Variants in OSBPL9 observed in about 807,000 individuals in gnomAD.
OSBPL9 encodes the protein oxysterol binding protein like 9.
OSBPL9 carries 40 observed loss-of-function variants against 106.6 expected under a neutral mutation model. That is an observed-to-expected ratio of 0.38 (90% CI 0.29 to 0.49). The LOEUF (loss-of-function observed/expected upper bound fraction) is 0.49. Ranked by LOEUF, OSBPL9 falls within the 20% of genes least tolerant of loss-of-function variation. The probability of loss-of-function intolerance (pLI) is 0.97; values close to 1 mark genes in which losing one functional copy is unlikely to be tolerated. For synonymous variants in OSBPL9, 269 were observed against 295.4 expected (o/e 0.91, Z 0.92); for missense variants, 609 against 887.2 (o/e 0.69, Z 3.98).
At chr1:51,721,919 G>T (rs1047677595) in intron 4 of OSBPL9, among the ~76,000 whole-genome samples, 1 of 152,158 alleles carries the variant, frequency 6.6e-6, no homozygotes, top group Admixed American at 6.5e-5. Context: ...TTATTTATTT[G>T]GTAAATATTT....
intron 3 of OSBPL9, among the ~76,000 whole-genome samples, chr1:51,702,458 G>T (rs1395197359): frequency 6.6e-6 from 1 of 152,186 alleles, no homozygotes. Context: ...TTTGAGAAGT[G>T]TCTGTTCATA....
chr1:51,587,360 G>A (rs527768682), intron 1 of OSBPL9, among the ~76,000 whole-genome samples: 15 of 152,038 alleles, frequency 9.9e-5, no homozygotes, highest in South Asian at 2.1e-4. Flanking sequence ...GCCAGACTCC[G>A]TCTCAAAATA....
intron 1 of OSBPL9, among the ~76,000 whole-genome samples, chr1:51,633,874 C>T (rs1448726748): frequency 6.6e-6 from 1 of 152,186 alleles, no homozygotes; most frequent in Non-Finnish European, 1.5e-5. Context: ...ATCTTTCCAC[C>T]TCAGCCTCCC....
intron 4 of OSBPL9, among the ~76,000 whole-genome samples, chr1:51,721,604 A>C (rs1662137165): frequency 6.6e-6 from 1 of 152,226 alleles, no homozygotes; most frequent in African/African-American, 2.4e-5. Context: ...TAGATTAATA[A>C]AAATCTTTTG....
At chr1:51,710,020 C>G (rs972091582) in intron 3 of OSBPL9, 2 of 152,228 alleles carry the variant, frequency 1.3e-5, no homozygotes, top group African/African-American at 4.8e-5. Context: ...GATTATGGAC[C>G]TTCAAGAAAT....
At chr1:51,529,900 G>A in the OSBPL9 span, among the ~76,000 whole-genome samples, 8 of 151,492 alleles carry the variant, frequency 5.3e-5, no homozygotes, top group East Asian at 1.9e-4. Context: ...GGCTGGGTGC[G>A]GTGGCTCACG....
In OSBPL9 at chr1:51,760,766, CTG is replaced by C. The variant is rs1374890706; in HGVS notation, c.663_664del (p.Leu222ThrfsTer9). ...GTGATCAGCACAATGCCTTCCCAGA[CTG>C]TGTTACCTCCAGGTAATTTGGGAAA... On this transcript the variant is annotated frameshift_variant, in exon 10 of 24. Transcript: ENST00000428468. LOFTEE classifies it high-confidence loss of function. 3 of 1,613,708 alleles carry C rather than the reference CTG, an allele frequency of 1.9e-6. No homozygotes were observed. Among genetic ancestry groups the C allele is most frequent in the African/African-American group, 2.7e-5 (2 of 74,910 alleles).
the OSBPL9 span, among the ~76,000 whole-genome samples, chr1:51,523,434 C>A: frequency 7.2e-5 from 11 of 152,004 alleles, no homozygotes; most frequent in African/African-American, 2.7e-4. Flanking sequence ...TGCATTATTT[C>A]ATTTATTCCT....
chr1:51,656,459 C>T (rs1646818560), intron 2 of OSBPL9, among the ~76,000 whole-genome samples: 1 of 152,126 alleles, frequency 6.6e-6, no homozygotes, highest in Admixed American at 6.6e-5. Context: ...CTTCATTCCT[C>T]ATTGCTTCTG....
intron 3 of OSBPL9, among the ~76,000 whole-genome samples, chr1:51,686,002 A>G (rs927818682): frequency 1.3e-5 from 2 of 152,204 alleles, no homozygotes; most frequent in African/African-American, 4.8e-5. Flanking sequence ...TCAGGGGATC[A>G]AATAAAAGAA....
At chr1:51,638,023 C>G (rs367854086) in intron 1 of OSBPL9, among the ~76,000 whole-genome samples, 38 of 152,258 alleles carry the variant, frequency 2.5e-4, no homozygotes, top group African/African-American at 8.9e-4. Flanking sequence ...CAGGCTGTTC[C>G]ATCTCTTAAA....
chr1:51,773,504 T>C lies in OSBPL9; in HGVS notation c.1170+781T>C, dbSNP rs148299236. 3.5e-3 allele frequency among the ~76,000 whole-genome samples: 539 copies of C among 152,332 alleles called. 4 individuals carry two copies. The highest frequency in any genetic ancestry group is 0.012 in the African/African-American group (493 of 41,568). ...CTGAGTCGTGTTAAGTCATATTAAG[T>C]GGCAGACTGAGATTCTAATCTGCTC... On this transcript the variant is annotated intron_variant, in intron 14 of 23. Transcript: ENST00000428468.
intron 1 of OSBPL9, among the ~76,000 whole-genome samples, chr1:51,644,533 G>C (rs1171792454): frequency 6.6e-6 from 1 of 152,038 alleles, no homozygotes; most frequent in African/African-American, 2.4e-5. Context: ...TCACCATGTT[G>C]GCCAGGCTGG....
intron 4 of OSBPL9, among the ~76,000 whole-genome samples, chr1:51,719,350 C>T (rs192026105): frequency 2.3e-4 from 35 of 152,244 alleles, no homozygotes; most frequent in African/African-American, 6.0e-4. Context: ...GACCAGAGGG[C>T]GTGCTGTGCT....
upstream of OSBPL9, among the ~76,000 whole-genome samples, chr1:51,573,261 C>T (rs1322323773): frequency 6.6e-6 from 1 of 150,380 alleles, no homozygotes; most frequent in Admixed American, 6.6e-5. Flanking sequence ...ATAATCCCAA[C>T]ACTTTGGGAG....
At chr1:51,635,305 A>G (rs1645359769) in intron 1 of OSBPL9, among the ~76,000 whole-genome samples, 1 of 152,016 alleles carries the variant, frequency 6.6e-6, no homozygotes. Flanking sequence ...AAAAAAAAAA[A>G]TGTCAGAACT....
chr1:51,701,728 TGTTGG>T (rs1434798973), intron 3 of OSBPL9, among the ~76,000 whole-genome samples: 1 of 152,090 alleles, frequency 6.6e-6, no homozygotes, highest in African/African-American at 2.4e-5. Flanking sequence ...ACATGTGCCA[TGTTGG>T]TGTACTGCAC....
chr1:51,677,795 C>T (rs528340634), intron 3 of OSBPL9, among the ~76,000 whole-genome samples: 6 of 152,194 alleles, frequency 3.9e-5, no homozygotes, highest in South Asian at 4.1e-4. Flanking sequence ...GTGATCCACC[C>T]GCCTCGGCCT....
At position 51,784,441 on chromosome 1, in the gene OSBPL9, G is replaced by C. The variant is rs1372261265; in HGVS notation, c.1689-1G>C. ...TTACCTAAAAACTTTTGATTTTGCA[G>C]GTCTATCCTCACAGTGCCCTGGGTG... On this transcript the variant is annotated splice_acceptor_variant, in intron 19 of 23. Coordinates refer to ENST00000428468, the MANE Select transcript of OSBPL9 (RefSeq NM_024586.6). LOFTEE classifies it high-confidence loss of function. 6.2e-7 allele frequency: 1 copy of C among 1,614,060 alleles called. No individual in the cohort carries two copies. The highest frequency in any genetic ancestry group is 1.7e-5 in the Admixed American group (1 of 60,016).
Sources: allele counts gnomAD v4.1 joint callset (sites outside exome capture counted in the v4.1 genomes callset), GRCh38; gene constraint gnomAD v4.1.1; transcripts MANE v1.5; gene names NCBI Gene and HGNC (gene_info 2026-07-23, HGNC 2026-07-21).